Variants in CTNND2 observed in about 807,000 individuals in gnomAD.
CTNND2 encodes catenin delta 2.
A neutral mutation model predicts 144.4 loss-of-function variants in CTNND2; 22 were observed. The ratio of observed to expected loss-of-function variants is 0.15; its 90% CI spans 0.11 to 0.22. The LOEUF is 0.22. CTNND2 is among the 10% of genes least tolerant of loss of function. The pLI is 1.00. For missense variants in CTNND2, 1,353 were observed against 1,618.8 expected (o/e 0.84, Z 2.82); for synonymous variants, 751 against 695.6 (o/e 1.08, Z -1.25).
At chr5:10,978,505 G>C (rs922997558) in intron 21 of CTNND2, among the ~76,000 whole-genome samples, 3 of 152,120 alleles carry the variant, frequency 2.0e-5, no homozygotes, top group Non-Finnish European at 4.4e-5. Context: ...TGGGGAGGGG[G>C]GGGAACCCTC....
rs878905084 is a variant in CTNND2, at chr5:11,850,005, G to A, written c.37+53812C>T. Among the ~76,000 whole-genome samples the A allele has an allele frequency of 2.6e-5, 4 of 152,064 alleles. No homozygotes were observed. In the South Asian group the frequency reaches 6.2e-4, roughly 24 times the overall value. ...CACTCCACTGATGGGTGCAGCAAAC[G>A]ACCATTGCATGTGTATACCTATGTA... On this transcript the variant is annotated intron_variant, in intron 1 of 21. Transcript: ENST00000304623.
intron 2 of CTNND2, among the ~76,000 whole-genome samples, chr5:11,613,071 T>C (rs929659366): frequency 6.6e-6 from 1 of 152,246 alleles, no homozygotes; most frequent in African/African-American, 2.4e-5. Context: ...GGTTGAATAA[T>C]GCTGCCAATG....
At position 11,394,711 on chromosome 5, in the gene CTNND2, T is replaced by C. The variant is rs558134159; in HGVS notation, c.612+2320A>G. Among the ~76,000 whole-genome samples the C allele has an allele frequency of 4.9e-4, 75 of 152,322 alleles. No individual in the cohort carries two copies. In the South Asian group the frequency reaches 0.015, roughly 30 times the overall value. On this transcript the variant is annotated intron_variant, in intron 6 of 21. Coordinates refer to ENST00000304623, the MANE Select transcript of CTNND2 (RefSeq NM_001332.4). ...GGCTGATAAGTTGGGGCAATGTGGG[T>C]TACACACATATCATCAGGGCCTGTT...
intron 12 of CTNND2, among the ~76,000 whole-genome samples, chr5:11,125,205 A>C (rs1580353228): frequency 1.3e-5 from 2 of 152,306 alleles, no homozygotes; most frequent in Admixed American, 6.5e-5. Context: ...TACTGGAGTG[A>C]CAGTAATCCA....
At chr5:11,303,218 G>A (rs528989474) in intron 9 of CTNND2, among the ~76,000 whole-genome samples, 2 of 152,216 alleles carry the variant, frequency 1.3e-5, no homozygotes, top group Non-Finnish European at 2.9e-5. Context: ...TGGTGTTTGA[G>A]ATATAAATTC....
intron 1 of CTNND2, among the ~76,000 whole-genome samples, chr5:11,842,439 G>A (rs1385655978): frequency 6.6e-6 from 1 of 152,174 alleles, no homozygotes; most frequent in Non-Finnish European, 1.5e-5. Context: ...TTAGATATGG[G>A]CCGGGCGCAG....
intron 16 of CTNND2, among the ~76,000 whole-genome samples, chr5:11,037,991 A>C (rs1449251730): frequency 6.6e-6 from 1 of 152,170 alleles, no homozygotes; most frequent in Non-Finnish European, 1.5e-5. Context: ...TTTACCTAGA[A>C]TCTGTCCTCC....
At chr5:11,416,296 T>C (rs7727447) in intron 3 of CTNND2, among the ~76,000 whole-genome samples, 3,629 of 152,348 alleles carry the variant, frequency 0.024, 152 homozygotes, top group African/African-American at 0.079. Context: ...GAAACTCTTT[T>C]TATTATAATT....
intron 1 of CTNND2, among the ~76,000 whole-genome samples, chr5:11,823,473 G>A (rs1049342779): frequency 6.6e-6 from 1 of 152,114 alleles, no homozygotes; most frequent in Non-Finnish European, 1.5e-5. Flanking sequence ...AAACACACTG[G>A]TGGCCAAATT....
intron 3 of CTNND2, among the ~76,000 whole-genome samples, chr5:11,554,243 T>C (rs1246178091): frequency 1.3e-5 from 2 of 152,206 alleles, no homozygotes; most frequent in African/African-American, 4.8e-5. Context: ...AAATATATTT[T>C]GATGAAGAAT....
At chr5:11,078,598 T>G (rs902929505) in intron 16 of CTNND2, among the ~76,000 whole-genome samples, 1 of 152,152 alleles carries the variant, frequency 6.6e-6, no homozygotes, top group African/African-American at 2.4e-5. Context: ...AGTTCACTAT[T>G]TTGTTATATT....
intron 2 of CTNND2, among the ~76,000 whole-genome samples, chr5:11,731,321 A>G (rs554592343): frequency 6.6e-6 from 1 of 152,272 alleles, no homozygotes; most frequent in East Asian, 1.9e-4. Flanking sequence ...TAGCGTTACT[A>G]TTCTTAATTG....
intron 9 of CTNND2, among the ~76,000 whole-genome samples, chr5:11,249,115 A>G (rs1743307034): frequency 6.6e-6 from 1 of 152,240 alleles, no homozygotes; most frequent in Non-Finnish European, 1.5e-5. Flanking sequence ...GAGCAGAATT[A>G]TCTACCAGAA....
chr5:11,305,733 C>G (rs1219394178), intron 9 of CTNND2, among the ~76,000 whole-genome samples: 1 of 152,142 alleles, frequency 6.6e-6, no homozygotes, highest in African/African-American at 2.4e-5. Flanking sequence ...GTTAAGGATG[C>G]CAGGAAGGCT....
At chr5:11,129,234 TATATATTATATATTATATAAAAATATAA>T (rs1267070903) in intron 12 of CTNND2, among the ~76,000 whole-genome samples, 3 of 43,592 alleles carry the variant, frequency 6.9e-5, no homozygotes, top group African/African-American at 2.1e-4. Flanking sequence ...AAATATATAT[TATATATTATATATTATATAAAAATATAA>T]ATATATAAAT....
chr5:11,330,471 G>A (rs181426005), intron 9 of CTNND2, among the ~76,000 whole-genome samples: 3,383 of 108,460 alleles, frequency 0.031, 55 homozygotes, highest in Admixed American at 0.075. Context: ...GTGACAGAGA[G>A]AGACTCCGTC....
At chr5:11,836,528 C>CAAACT (rs1238118166) in intron 1 of CTNND2, among the ~76,000 whole-genome samples, 1 of 144,396 alleles carries the variant, frequency 6.9e-6, no homozygotes, top group East Asian at 2.0e-4. Context: ...TAAAAGGAGC[C>CAAACT]AAACTACCAA....
At chr5:11,287,791 A>C (rs549279287) in intron 9 of CTNND2, among the ~76,000 whole-genome samples, 8 of 152,186 alleles carry the variant, frequency 5.3e-5, no homozygotes, top group Admixed American at 1.3e-4. Context: ...TTCTAGCATA[A>C]GAAGATAAGT....
intron 9 of CTNND2, among the ~76,000 whole-genome samples, chr5:11,317,220 G>A (rs58393643): frequency 0.019 from 2,849 of 152,172 alleles, 48 homozygotes; most frequent in African/African-American, 0.057. Flanking sequence ...ATTTGTTACC[G>A]AGCCCAGGGT....
Sources: allele counts gnomAD v4.1 joint callset (sites outside exome capture counted in the v4.1 genomes callset), GRCh38; gene constraint gnomAD v4.1.1; transcripts MANE v1.5; gene names NCBI Gene and HGNC (gene_info 2026-07-23, HGNC 2026-07-21).